The following CHLSN variants were observed in gnomAD, a reference collection of about 807,000 sequenced individuals.
CHLSN encodes protein cholesin.
chr7:1,131,502 C>G, the CHLSN span, among the ~76,000 whole-genome samples: 3 of 152,206 alleles, frequency 2.0e-5, no homozygotes, highest in Non-Finnish European at 2.9e-5. Context: ...AAGAATATTC[C>G]TATTGTGGAA....
chr7:1,079,516 AC>A, the CHLSN span, among the ~76,000 whole-genome samples: 197 of 152,340 alleles, frequency 1.3e-3, no homozygotes, highest in African/African-American at 4.5e-3. Flanking sequence ...ACAGCCTATA[AC>A]TACTTATCCA....
the CHLSN span, among the ~76,000 whole-genome samples, chr7:1,102,711 T>C: frequency 6.6e-6 from 1 of 152,206 alleles, no homozygotes; most frequent in Admixed American, 6.5e-5. Context: ...CTGCGCCCCT[T>C]TCCGTGAGGG....
At chr7:1,066,955 C>T in the CHLSN span, among the ~76,000 whole-genome samples, 13 of 117,360 alleles carry the variant, frequency 1.1e-4, no homozygotes, top group African/African-American at 3.1e-4. Flanking sequence ...AGTCTGTTGG[C>T]GGAGGCTGGA....
chr7:1,092,694 C>T, the CHLSN span: 1 of 1,613,510 alleles, frequency 6.2e-7, no homozygotes, highest in East Asian at 2.2e-5. Context: ...TAAACCCCCT[C>T]ATCTACAGCT....
the CHLSN span, chr7:1,055,306 C>A: frequency 2.1e-6 from 1 of 471,100 alleles, no homozygotes; most frequent in Non-Finnish European, 4.4e-6. Context: ...TCCTGGGGCC[C>A]TCACACGCAC....
chr7:1,058,873 C>T, the CHLSN span: 221 of 230,334 alleles, frequency 9.6e-4, 1 homozygote, highest in African/African-American at 4.8e-3. Context: ...ACTTGATTCC[C>T]CCTTGTTTGT....
At chr7:987,445 G>A in the CHLSN span, 10 of 1,584,156 alleles carry the variant, frequency 6.3e-6, no homozygotes, top group African/African-American at 1.3e-5. Context: ...CGTGCTCCAC[G>A]AGGTGCAGCG....
chr7:1,133,593 A>C, the CHLSN span, among the ~76,000 whole-genome samples: 18 of 145,856 alleles, frequency 1.2e-4, no homozygotes, highest in African/African-American at 4.4e-4. Context: ...TACTAAAAAT[A>C]CAAAAAAAAA....
the CHLSN span, chr7:983,168 G>GA: frequency 7.0e-7 from 1 of 1,434,134 alleles, no homozygotes; most frequent in Non-Finnish European, 9.2e-7. Context: ...GTGCGGGGGG[G>GA]ACGGGGCCCA....
At chr7:997,694 C>G in the CHLSN span, 1 of 1,611,228 alleles carries the variant, frequency 6.2e-7, no homozygotes, top group South Asian at 1.1e-5. Context: ...CAGAGCCCTC[C>G]TCATCCAGCT....
the CHLSN span, among the ~76,000 whole-genome samples, chr7:1,096,558 T>C: frequency 6.6e-6 from 1 of 152,174 alleles, no homozygotes; most frequent in Non-Finnish European, 1.5e-5. The surrounding 1 kb of genome is among the most constrained non-coding windows in gnomAD (Gnocchi z 4.6). Context: ...GCAAATGTAA[T>C]TGTTTTTGGC....
chr7:984,998 CG>C, the CHLSN span: 1 of 1,610,750 alleles, frequency 6.2e-7, no homozygotes. Context: ...CGCCAGTTCA[CG>C]GTGCGTGCCC....
At chr7:1,070,551 CGCACACACGT>C in the CHLSN span, among the ~76,000 whole-genome samples, 4 of 144,994 alleles carry the variant, frequency 2.8e-5, no homozygotes, top group Non-Finnish European at 6.3e-5. Context: ...CAGGGACACA[CGCACACACGT>C]GCACACACGC....
chr7:984,931 G>A, the CHLSN span: 15 of 1,576,740 alleles, frequency 9.5e-6, no homozygotes, highest in Admixed American at 6.9e-5. Flanking sequence ...GGCTCACCAC[G>A]CACTGTATCT....
chr7:1,035,704 GCA>G, the CHLSN span, among the ~76,000 whole-genome samples: 3 of 152,130 alleles, frequency 2.0e-5, no homozygotes, highest in South Asian at 2.1e-4. Context: ...CTGCAAAATG[GCA>G]CAGTCACTTG....
the CHLSN span, among the ~76,000 whole-genome samples, chr7:1,101,827 G>A: frequency 2.0e-5 from 3 of 152,274 alleles, no homozygotes. Context: ...GCAAGGAGGT[G>A]CGCGTCGCGG....
chr7:1,113,773 C>T, the CHLSN span, among the ~76,000 whole-genome samples: 18 of 152,274 alleles, frequency 1.2e-4, no homozygotes, highest in Admixed American at 1.0e-3. Context: ...AATTCCTACC[C>T]GCGGGTGCCA....
the CHLSN span, among the ~76,000 whole-genome samples, chr7:989,859 G>A: frequency 2.7e-5 from 4 of 147,942 alleles, no homozygotes; most frequent in South Asian, 6.5e-4. Flanking sequence ...ACAGTGGCAC[G>A]TGTGCTGGGG....
chr7:996,671 G>A, the CHLSN span, among the ~76,000 whole-genome samples: 3 of 152,320 alleles, frequency 2.0e-5, no homozygotes, highest in Admixed American at 2.0e-4. Flanking sequence ...AGAGCTCTGC[G>A]GTCACCACGG....
Sources: allele counts gnomAD v4.1 joint callset (sites outside exome capture counted in the v4.1 genomes callset), GRCh38; gene constraint gnomAD v4.1.1; non-coding constraint Gnocchi (gnomAD v3.1); transcripts MANE v1.5; gene names NCBI Gene and HGNC (gene_info 2026-07-23, HGNC 2026-07-21).